The following CCDC144A variants were observed in gnomAD, a reference collection of about 807,000 sequenced individuals.
The protein encoded by CCDC144A is coiled-coil domain-containing protein 144A.
A neutral mutation model predicts 143.8 loss-of-function variants in CCDC144A; 41 were observed. The observed-to-expected ratio is 0.29, with a 90% confidence interval of 0.22 to 0.37. The LOEUF (loss-of-function observed/expected upper bound fraction) is 0.37, where lower values mean the gene tolerates loss of function less well. Ranked by LOEUF, CCDC144A falls within the 10% of genes least tolerant of loss-of-function variation. The pLI is 1.00. For synonymous variants in CCDC144A, 242 were observed against 517.9 expected (o/e 0.47, Z 7.23); for missense variants, 637 against 1,488.8 (o/e 0.43, Z 9.41).
intron 2 of CCDC144A, chr17:16,695,201 AT>A (rs1304528674): frequency 7.9e-5 from 12 of 152,226 alleles, no homozygotes; most frequent in South Asian, 4.1e-4. Flanking sequence ...TTTCAAGGAA[AT>A]CATTTATTCA....
chr17:16,694,257 C>G (rs1394317753), intron 2 of CCDC144A, among the ~76,000 whole-genome samples: 1 of 152,128 alleles, frequency 6.6e-6, no homozygotes, highest in African/African-American at 2.4e-5. Context: ...CTCGGCAATA[C>G]CTTTCTGGCA....
chr17:16,708,696 G>A, intron 4 of CCDC144A, 100 bp from the exon 5 acceptor site: 1 of 1,370,204 alleles, frequency 7.3e-7, no homozygotes, highest in Middle Eastern at 2.5e-4. Flanking sequence ...GTTCATACCT[G>A]TTATTTAAGG....
At chr17:16,770,208 G>A (rs1159535577) in intron 15 of CCDC144A, among the ~76,000 whole-genome samples, 2 of 151,904 alleles carry the variant, frequency 1.3e-5, no homozygotes, top group African/African-American at 4.8e-5. Flanking sequence ...GGAGTGCAGT[G>A]GCACGATCTC....
chr17:16,698,818 A>G (rs1159492581), intron 2 of CCDC144A, among the ~76,000 whole-genome samples: 1 of 152,260 alleles, frequency 6.6e-6, no homozygotes, highest in Non-Finnish European at 1.5e-5. Context: ...ACAGGCCAGC[A>G]GTTTAGACAA....
chr17:16,737,004 T>C (rs931801583), intron 12 of CCDC144A, among the ~76,000 whole-genome samples: 1 of 151,576 alleles, frequency 6.6e-6, no homozygotes, highest in Admixed American at 6.6e-5. Context: ...GGGCTGAATC[T>C]ATTGCCTAAG....
chr17:16,713,408 T>TC (rs1912560392), intron 6 of CCDC144A, among the ~76,000 whole-genome samples: 1 of 152,150 alleles, frequency 6.6e-6, no homozygotes, highest in African/African-American at 2.4e-5. Context: ...ACCATATTTT[T>TC]CAACAGTAGC....
chr17:16,669,819 C>T, the CCDC144A span, among the ~76,000 whole-genome samples: 1 of 152,148 alleles, frequency 6.6e-6, no homozygotes, highest in Non-Finnish European at 1.5e-5. Flanking sequence ...GCTACTTCAT[C>T]TCTCTACACT....
At chr17:16,671,232 C>T in the CCDC144A span, among the ~76,000 whole-genome samples, 1 of 152,102 alleles carries the variant, frequency 6.6e-6, no homozygotes, top group Non-Finnish European at 1.5e-5. Context: ...ATCTGCCCAT[C>T]TTGGCCTCCC....
chr17:16,723,427 A>G (rs561347401), intron 8 of CCDC144A, among the ~76,000 whole-genome samples: 1 of 151,936 alleles, frequency 6.6e-6, no homozygotes, highest in East Asian at 1.9e-4. Flanking sequence ...TGACCTCCTC[A>G]TAGTGTGTGG....
At chr17:16,686,569 G>A (rs1910788833), upstream of CCDC144A, among the ~76,000 whole-genome samples, 1 of 151,950 alleles carries the variant, frequency 6.6e-6, no homozygotes. Context: ...ACTTTGGGAG[G>A]CTGAGATGGG....
At chr17:16,709,930 G>A (rs1342590692) in intron 5 of CCDC144A, 5 of 329,930 alleles carry the variant, frequency 1.5e-5, no homozygotes, top group South Asian at 6.9e-5. Flanking sequence ...CAAGAAAATC[G>A]CTAAAGGAAA....
chr17:16,678,107 C>T, the CCDC144A span, among the ~76,000 whole-genome samples: 1 of 151,938 alleles, frequency 6.6e-6, no homozygotes, highest in African/African-American at 2.4e-5. Context: ...GCTTTGGGAT[C>T]GTTGGAGTTT....
the CCDC144A span, among the ~76,000 whole-genome samples, chr17:16,679,805 C>G: frequency 6.6e-6 from 1 of 151,942 alleles, no homozygotes; most frequent in Non-Finnish European, 1.5e-5. Flanking sequence ...TAAACTTCCT[C>G]TCTCTGGAAT....
chr17:16,744,778 C>T (rs1199290342), intron 12 of CCDC144A, among the ~76,000 whole-genome samples: 3 of 151,176 alleles, frequency 2.0e-5, no homozygotes, highest in African/African-American at 7.3e-5. Flanking sequence ...TGGTTAAAAT[C>T]GCAGTGCCAA....
intron 6 of CCDC144A, among the ~76,000 whole-genome samples, chr17:16,717,821 A>G (rs1912863306): frequency 6.6e-6 from 1 of 152,204 alleles, no homozygotes; most frequent in African/African-American, 2.4e-5. Flanking sequence ...TTATTATAAA[A>G]CATTGGCCTT....
At chr17:16,708,692 A>G in intron 4 of CCDC144A, 104 bp from the exon 5 acceptor site, 2 of 1,245,566 alleles carry the variant, frequency 1.6e-6, no homozygotes, top group Non-Finnish European at 2.3e-6. Flanking sequence ...CTTTGTTCAT[A>G]CCTGTTATTT....
chr17:16,673,383 C>T, the CCDC144A span, among the ~76,000 whole-genome samples: 1 of 149,920 alleles, frequency 6.7e-6, no homozygotes, highest in Admixed American at 6.7e-5. Context: ...AAAAAGTTAT[C>T]TTCATTTTTT....
At chr17:16,755,648 C>T (rs1239480229) in intron 12 of CCDC144A, among the ~76,000 whole-genome samples, 1 of 152,224 alleles carries the variant, frequency 6.6e-6, no homozygotes, top group African/African-American at 2.4e-5. Flanking sequence ...CAACCTCTGC[C>T]TCCCAGGTTC....
intron 5 of CCDC144A, among the ~76,000 whole-genome samples, chr17:16,711,388 A>G (rs1286597471): frequency 2.0e-5 from 3 of 151,970 alleles, no homozygotes; most frequent in Non-Finnish European, 4.4e-5. Flanking sequence ...TTGGGAATAA[A>G]AGCACAAAAT....
Sources: gnomAD v4.1 joint callset for allele counts (sites outside exome capture counted in the v4.1 genomes callset) on GRCh38, gnomAD v4.1.1 for gene constraint, MANE v1.5 for transcripts, NCBI Gene and HGNC (gene_info 2026-07-23, HGNC 2026-07-21) for gene names.